PTPRM: variants seen among roughly 807,000 people sequenced by gnomAD.
PTPRM encodes receptor-type tyrosine-protein phosphatase mu.
Under a neutral mutation model 186.7 loss-of-function variants are expected in PTPRM, and 47 were observed. The observed-to-expected ratio is 0.25, with a 90% confidence interval of 0.20 to 0.32. The LOEUF (loss-of-function observed/expected upper bound fraction) is 0.32, where lower values mean the gene tolerates loss of function less well. Among genes scored for constraint, PTPRM ranks in the 10% least tolerant of loss-of-function variants. The pLI is 1.00. For synonymous variants in PTPRM, 668 were observed against 674.9 expected, an observed-to-expected ratio of 0.99 and a Z score of 0.16; for missense variants, 1,494 against 1,865.0, an observed-to-expected ratio of 0.80 and a Z score of 3.66.
intron 14 of PTPRM, among the ~76,000 whole-genome samples, chr18:8,197,619 G>A (rs763112711): frequency 1.2e-4 from 18 of 152,130 alleles, no homozygotes; most frequent in African/African-American, 2.9e-4. Context: ...TCAGCGATAC[G>A]TTAATGCTGA....
intron 14 of PTPRM, among the ~76,000 whole-genome samples, chr18:8,161,947 A>G (rs2093237655): frequency 6.6e-6 from 1 of 152,128 alleles, no homozygotes; most frequent in African/African-American, 2.4e-5. Context: ...ATTAGAGCTC[A>G]TCCCTGTGTT....
intron 7 of PTPRM, among the ~76,000 whole-genome samples, chr18:8,037,299 T>C (rs2086395094): frequency 6.6e-6 from 1 of 152,200 alleles, no homozygotes; most frequent in South Asian, 2.1e-4. Flanking sequence ...AAATTTCTTA[T>C]ATCTTTACTA....
At chr18:8,391,543 A>G (rs1032583161) in intron 31 of PTPRM, among the ~76,000 whole-genome samples, 11 of 152,246 alleles carry the variant, frequency 7.2e-5, no homozygotes, top group African/African-American at 2.7e-4. Flanking sequence ...AGGCAAAAAC[A>G]ATTGATGATG....
At chr18:8,335,986 C>T (rs1225394968) in intron 22 of PTPRM, among the ~76,000 whole-genome samples, 2 of 152,046 alleles carry the variant, frequency 1.3e-5, no homozygotes, top group African/African-American at 2.4e-5. Flanking sequence ...CGCGCCACCG[C>T]ACTCCAGCCT....
chr18:7,753,925 C>A (rs1328339568), intron 1 of PTPRM, among the ~76,000 whole-genome samples: 2 of 151,806 alleles, frequency 1.3e-5, no homozygotes, highest in South Asian at 4.2e-4. Flanking sequence ...CTCACCTTTT[C>A]CCCCCTTCTC....
At chr18:8,066,798 G>A (rs879803623) in intron 7 of PTPRM, among the ~76,000 whole-genome samples, 1 of 152,140 alleles carries the variant, frequency 6.6e-6, no homozygotes, top group Non-Finnish European at 1.5e-5. Flanking sequence ...CATGACAATA[G>A]GCAATTTAGA....
chr18:8,305,714 A>G (rs1248722181), intron 20 of PTPRM, among the ~76,000 whole-genome samples: 2 of 152,182 alleles, frequency 1.3e-5, no homozygotes, highest in African/African-American at 4.8e-5. Context: ...GCATGTCTTC[A>G]AACATTTCTC....
At chr18:7,861,234 A>T (rs956148738) in intron 2 of PTPRM, among the ~76,000 whole-genome samples, 4 of 151,340 alleles carry the variant, frequency 2.6e-5, no homozygotes, top group Non-Finnish European at 4.4e-5. Flanking sequence ...CTTCCCTACA[A>T]TTTTTTTTTA....
intron 2 of PTPRM, among the ~76,000 whole-genome samples, chr18:7,859,824 C>T (rs1190579619): frequency 2.6e-5 from 4 of 152,254 alleles, no homozygotes; most frequent in Non-Finnish European, 5.9e-5. Context: ...CTGTGAAAAC[C>T]GTGGCCAGGT....
intron 14 of PTPRM, among the ~76,000 whole-genome samples, chr18:8,220,118 A>G (rs1027898674): frequency 1.3e-5 from 2 of 152,154 alleles, no homozygotes; most frequent in African/African-American, 4.8e-5. Flanking sequence ...CAATCACTAG[A>G]TCATTATAAA....
chr18:8,028,619 G>A (rs187011774), intron 7 of PTPRM, among the ~76,000 whole-genome samples: 4 of 152,242 alleles, frequency 2.6e-5, no homozygotes, highest in East Asian at 1.9e-4. Context: ...CCCAGAGCCC[G>A]ACTTAGCAGT....
intron 17 of PTPRM, among the ~76,000 whole-genome samples, chr18:8,252,240 G>A (rs930493525): frequency 3.4e-4 from 51 of 152,160 alleles, no homozygotes; most frequent in African/African-American, 1.2e-3. Flanking sequence ...GGTTCATGGG[G>A]GATGAAAAGC....
chr18:8,086,013 A>G (rs1288855581), intron 10 of PTPRM, 141 bp downstream of exon 10: 1 of 767,446 alleles, frequency 1.3e-6, no homozygotes, highest in Non-Finnish European at 2.2e-6. Flanking sequence ...GCTCAGACTC[A>G]CAGCTTTAAA....
At chr18:8,067,053 G>A (rs1345647620) in intron 7 of PTPRM, among the ~76,000 whole-genome samples, 1 of 152,128 alleles carries the variant, frequency 6.6e-6, no homozygotes, top group African/African-American at 2.4e-5. Flanking sequence ...TTTATGCAGT[G>A]AAAAATAGTT....
intron 14 of PTPRM, among the ~76,000 whole-genome samples, chr18:8,208,665 C>A (rs963446295): frequency 1.3e-5 from 2 of 152,128 alleles, no homozygotes; most frequent in African/African-American, 2.4e-5. Context: ...TGAGCCACCA[C>A]CCTGAGCTAA....
chr18:8,040,012 G>A (rs1156626977), intron 7 of PTPRM, among the ~76,000 whole-genome samples: 1 of 152,188 alleles, frequency 6.6e-6, no homozygotes, highest in Admixed American at 6.5e-5. Context: ...ACAAGTTACG[G>A]TTAGACATTT....
chr18:7,850,875 A>G (rs1319538129), intron 2 of PTPRM, among the ~76,000 whole-genome samples: 1 of 152,234 alleles, frequency 6.6e-6, no homozygotes, highest in Non-Finnish European at 1.5e-5. Flanking sequence ...GAAAATCAGT[A>G]GCACAAAAAG....
chr18:7,775,633 T>C (rs1320200728), intron 2 of PTPRM, among the ~76,000 whole-genome samples: 2 of 152,214 alleles, frequency 1.3e-5, no homozygotes, highest in Admixed American at 1.3e-4. Context: ...GATTTAGTCC[T>C]GGTAGATTGC....
intron 2 of PTPRM, among the ~76,000 whole-genome samples, chr18:7,811,476 G>C (rs922709736): frequency 1.3e-4 from 20 of 152,128 alleles, no homozygotes; most frequent in Admixed American, 1.2e-3. Flanking sequence ...TCCCATCTCA[G>C]CCTCTCAAGT....
Sources: gnomAD v4.1 joint callset for allele counts (sites outside exome capture counted in the v4.1 genomes callset) on GRCh38, gnomAD v4.1.1 for gene constraint, MANE v1.5 for transcripts, NCBI Gene and HGNC (gene_info 2026-07-23, HGNC 2026-07-21) for gene names.